Variants in AUTS2 observed in about 807,000 individuals in gnomAD.
AUTS2 encodes autism susceptibility gene 2 protein.
Under a neutral mutation model 112.4 loss-of-function variants are expected in AUTS2, and 17 were observed. That is an observed-to-expected ratio of 0.15 (90% CI 0.10 to 0.23). The LOEUF (loss-of-function observed/expected upper bound fraction) is 0.23, where lower values mean the gene tolerates loss of function less well. Among genes scored for constraint, AUTS2 ranks in the 10% least tolerant of loss-of-function variants. AUTS2 has a pLI of 1.00. For missense variants in AUTS2, 1,510 were observed against 1,701.6 expected (o/e 0.89, Z 1.98); for synonymous variants, 751 against 702.7 (o/e 1.07, Z -1.09).
At chr7:70,095,579 G>C (rs1162117065) in intron 2 of AUTS2, among the ~76,000 whole-genome samples, 1 of 152,144 alleles carries the variant, frequency 6.6e-6, no homozygotes, top group South Asian at 2.1e-4. Context: ...TATGCTAGGT[G>C]CTGAGGTTAT....
At chr7:70,712,744 A>G (rs1225528640) in intron 6 of AUTS2, among the ~76,000 whole-genome samples, 1 of 152,176 alleles carries the variant, frequency 6.6e-6, no homozygotes, top group African/African-American at 2.4e-5. Flanking sequence ...GGGTGAAATC[A>G]TACTCTATTG....
chr7:70,598,095 G>A (rs1055377090), intron 5 of AUTS2, among the ~76,000 whole-genome samples: 1 of 152,144 alleles, frequency 6.6e-6, no homozygotes, highest in African/African-American at 2.4e-5. Context: ...AGCAGGTATC[G>A]AAAGACGTTT....
intron 2 of AUTS2, among the ~76,000 whole-genome samples, chr7:69,938,697 G>A (rs1444458151): frequency 6.6e-6 from 1 of 152,214 alleles, no homozygotes; most frequent in East Asian, 1.9e-4. Flanking sequence ...GAGTATGTAG[G>A]TGGAGAAGTG....
At chr7:70,184,097 T>A (rs1809474095) in intron 4 of AUTS2, among the ~76,000 whole-genome samples, 1 of 152,192 alleles carries the variant, frequency 6.6e-6, no homozygotes, top group South Asian at 2.1e-4. Flanking sequence ...TACCTCAGGA[T>A]TTTGTTTTCT....
At chr7:70,095,290 G>A (rs943161929) in intron 2 of AUTS2, among the ~76,000 whole-genome samples, 9 of 152,124 alleles carry the variant, frequency 5.9e-5, no homozygotes, top group African/African-American at 1.2e-4. Flanking sequence ...GTGCGCTCAC[G>A]TGTGCGTGTG....
At chr7:70,061,562 G>A (rs1802245592) in intron 2 of AUTS2, among the ~76,000 whole-genome samples, 1 of 151,944 alleles carries the variant, frequency 6.6e-6, no homozygotes, top group Non-Finnish European at 1.5e-5. Context: ...CTTGACTGTT[G>A]GTAGCTTTCC....
intron 10 of AUTS2, 51 bp downstream of exon 10, chr7:70,768,119 T>C (rs1229865293): frequency 1.9e-6 from 3 of 1,539,826 alleles, no homozygotes; most frequent in Middle Eastern, 1.7e-4. Flanking sequence ...TTGCCATTTT[T>C]GTGCTCTTGC....
chr7:70,348,070 A>C (rs1180286705), intron 4 of AUTS2, among the ~76,000 whole-genome samples: 1 of 152,170 alleles, frequency 6.6e-6, no homozygotes, highest in Non-Finnish European at 1.5e-5. Context: ...AGGGAAGGGA[A>C]ATGAAAGCCT....
intron 5 of AUTS2, among the ~76,000 whole-genome samples, chr7:70,626,165 G>A (rs1390503600): frequency 2.6e-5 from 4 of 151,442 alleles, no homozygotes; most frequent in African/African-American, 7.3e-5. Flanking sequence ...CACCTGCCTC[G>A]GCCTCCCAAA....
intron 6 of AUTS2, among the ~76,000 whole-genome samples, chr7:70,736,126 AT>A (rs933672865): frequency 1.3e-5 from 2 of 152,122 alleles, no homozygotes; most frequent in African/African-American, 4.8e-5. Context: ...AACAAATCCC[AT>A]TTTCACATAA....
At chr7:70,056,145 G>A (rs1261417617) in intron 2 of AUTS2, among the ~76,000 whole-genome samples, 2 of 151,850 alleles carry the variant, frequency 1.3e-5, no homozygotes, top group Non-Finnish European at 1.5e-5. Context: ...GCACCACCGT[G>A]CCCGGCTAAT....
At chr7:69,619,991 T>C (rs950274048) in intron 1 of AUTS2, among the ~76,000 whole-genome samples, 2 of 152,226 alleles carry the variant, frequency 1.3e-5, no homozygotes, top group Non-Finnish European at 2.9e-5. Flanking sequence ...TTTTTGATTC[T>C]GAGGATTTTG....
At chr7:70,269,299 T>C (rs1412368130) in intron 4 of AUTS2, among the ~76,000 whole-genome samples, 2 of 152,208 alleles carry the variant, frequency 1.3e-5, no homozygotes, top group African/African-American at 2.4e-5. Context: ...CAGTTCTGGC[T>C]CTTCCCTTGT....
intron 4 of AUTS2, among the ~76,000 whole-genome samples, chr7:70,330,239 T>G (rs1790680534): frequency 6.6e-6 from 1 of 152,226 alleles, no homozygotes; most frequent in Admixed American, 6.5e-5. Flanking sequence ...TACTTTCTTC[T>G]AAGAGTTTTA....
At chr7:70,762,474 C>T (rs1320613065) in intron 6 of AUTS2, among the ~76,000 whole-genome samples, 1 of 151,918 alleles carries the variant, frequency 6.6e-6, no homozygotes, top group East Asian at 1.9e-4. Flanking sequence ...TGCTATGTTG[C>T]CCAGGCTGGT....
chr7:70,784,732 T>G, intron 15 of AUTS2: 1 of 492,828 alleles, frequency 2.0e-6, no homozygotes, highest in South Asian at 2.4e-5. Flanking sequence ...ATGATTGATT[T>G]TCTGCTTCCT....
In AUTS2 at chr7:69,917,462, A is replaced by G. The variant is rs77017617; in HGVS notation, c.522+17964A>G. ...TGTAGTCCTACTAAATCAGAAATGG[A>G]CTATACTACCTCTTAGAATAACATC... On this transcript the variant is annotated intron_variant, in intron 2 of 18. Coordinates refer to ENST00000342771, the MANE Select transcript of AUTS2 (RefSeq NM_015570.4). 2.3e-4 allele frequency among the ~76,000 whole-genome samples: 34 copies of G among 145,936 alleles called. No individual in the cohort carries two copies. In the East Asian group the frequency reaches 6.6e-3, roughly 28 times the overall value.
At chr7:70,109,529 A>C (rs1291827260) in intron 2 of AUTS2, among the ~76,000 whole-genome samples, 1 of 152,158 alleles carries the variant, frequency 6.6e-6, no homozygotes, top group Non-Finnish European at 1.5e-5. Flanking sequence ...TTTTTGGTCA[A>C]AAATTTAAAA....
intron 4 of AUTS2, among the ~76,000 whole-genome samples, chr7:70,204,801 G>C (rs1412470522): frequency 6.6e-6 from 1 of 152,060 alleles, no homozygotes; most frequent in African/African-American, 2.4e-5. Flanking sequence ...TTATCCTCAT[G>C]GTCTAGGGGA....
Sources: gnomAD v4.1 joint callset for allele counts (sites outside exome capture counted in the v4.1 genomes callset) on GRCh38, gnomAD v4.1.1 for gene constraint, MANE v1.5 for transcripts, NCBI Gene and HGNC (gene_info 2026-07-23, HGNC 2026-07-21) for gene names.